GDF1: variants seen among roughly 807,000 people sequenced by gnomAD.
GDF1 encodes the protein embryonic growth/differentiation factor 1.
A neutral mutation model predicts 7.4 loss-of-function variants in GDF1; 8 were observed. The ratio of observed to expected loss-of-function variants is 1.09; its 90% CI spans 0.64 to 1.96. GDF1 has a LOEUF of 1.96. Ranked by LOEUF, GDF1 falls within the 30% of genes most tolerant of loss-of-function variation. GDF1 has a pLI of 0.00. For missense variants in GDF1, 574 were observed against 551.5 expected, an observed-to-expected ratio of 1.04 and a Z score of -0.41; for synonymous variants, 311 against 276.7, an observed-to-expected ratio of 1.12 and a Z score of -1.23.
intron 6 of GDF1, among the ~76,000 whole-genome samples, chr19:18,872,822 T>A (rs566020955): frequency 6.6e-6 from 1 of 152,056 alleles, no homozygotes; most frequent in South Asian, 2.1e-4. Flanking sequence ...CTAATTTTTA[T>A]ATTTTTAGTA....
At chr19:18,877,252 G>A (rs1465835726) in intron 6 of GDF1, among the ~76,000 whole-genome samples, 3 of 152,170 alleles carry the variant, frequency 2.0e-5, no homozygotes, top group Non-Finnish European at 2.9e-5. Flanking sequence ...ATCCTCAGCG[G>A]GGACAGAGCC....
At chr19:18,893,672 G>A (rs975093904) in intron 1 of GDF1, 97 bp from the exon 2 acceptor site, 17 of 1,258,238 alleles carry the variant, frequency 1.4e-5, no homozygotes, top group African/African-American at 7.4e-5. Context: ...TCCCCAGGCC[G>A]GGCAGCACTG....
At chr19:18,888,000 A>C (rs1022312994) in intron 2 of GDF1, among the ~76,000 whole-genome samples, 3 of 152,048 alleles carry the variant, frequency 2.0e-5, no homozygotes, top group Non-Finnish European at 4.4e-5. Flanking sequence ...AAGTGGAATC[A>C]CATAGTATTT....
At position 18,868,891 on chromosome 19, in the gene GDF1, G is replaced by A; in HGVS notation, c.825C>T (p.Ser275=). The A allele has an allele frequency of 7.0e-7, 1 of 1,421,650 alleles. No homozygotes were observed. The allele number at this position is 1,421,650 out of a possible 1,614,324, so 88.1% of individuals were successfully genotyped here. The change falls in exon 8 of 8, where the codon AGC becomes AGT. Residue 275 remains serine, a synonymous_variant. Coordinates refer to ENST00000247005, the MANE Select transcript of GDF1 (RefSeq NM_001492.6). ...GACRARRLYV[S]FREVGWHRWV... ...AGCGGTGCCAGCCCACCTCGCGGAA[G>A]CTCACGTACAGCCGCCGCGCGCGAC...
At position 18,893,534 on chromosome 19, in the gene GDF1, G is replaced by C; in HGVS notation, c.-1032C>G. ...ACTTCCAAGCGCTCTCGGGCATCTTGGCGGCATCTCTGGGCTGGAGGCAGC... is the reference window on the plus strand; with the variant it reads ...ACTTCCAAGCGCTCTCGGGCATCTTCGCGGCATCTCTGGGCTGGAGGCAGC... On this transcript the variant is annotated 5_prime_UTR_variant, in exon 2 of 8. Coordinates refer to ENST00000247005, the MANE Select transcript of GDF1 (RefSeq NM_001492.6). 1.9e-6 allele frequency: 3 copies of C among 1,610,930 alleles called. No homozygotes were observed. Among genetic ancestry groups the C allele is most frequent in the Non-Finnish European group, 2.5e-6 (3 of 1,178,912 alleles).
chr19:18,889,983 G>A (rs1378745865), intron 2 of GDF1, among the ~76,000 whole-genome samples: 1 of 152,116 alleles, frequency 6.6e-6, no homozygotes, highest in Non-Finnish European at 1.5e-5. Context: ...CAATCCTGGT[G>A]GGAGTCCCTT....
rs574656589 is a variant in GDF1, at chr19:18,885,334, G to A, written c.-913-1067C>T. ...TCCCACCTCAGCCTCCTGAGTAGCT[G>A]GGACCACAGGCACCCATAACCATGC... On this transcript the variant is annotated intron_variant, in intron 2 of 7. Coordinates refer to ENST00000247005, the MANE Select transcript of GDF1 (RefSeq NM_001492.6). Among the ~76,000 whole-genome samples the A allele has an allele frequency of 3.3e-5, 5 of 152,030 alleles. No homozygotes were observed. In the South Asian group the frequency reaches 8.3e-4, roughly 25 times the overall value.
At chr19:18,883,614 G>T (rs1465062715) in intron 3 of GDF1, among the ~76,000 whole-genome samples, 1 of 152,218 alleles carries the variant, frequency 6.6e-6, no homozygotes, top group African/African-American at 2.4e-5. Context: ...AGCCGGGTGG[G>T]TTTTATGCAC....
intron 6 of GDF1, among the ~76,000 whole-genome samples, chr19:18,874,471 G>C (rs2056027252): frequency 6.6e-6 from 1 of 152,162 alleles, no homozygotes; most frequent in African/African-American, 2.4e-5. Flanking sequence ...GCCCAGCCCA[G>C]TTCTTTAGAA....
rs77490035 is a variant in GDF1, at chr19:18,883,223, C to G, written c.-733+864G>C. 3.5e-3 allele frequency: 540 copies of G among 152,192 alleles called. 3 individuals carry two copies. The highest frequency in any genetic ancestry group is 0.012 in the African/African-American group (518 of 41,530). 9.4% of individuals were successfully genotyped at this position (152,192 alleles called of 1,614,324 possible). Reference sequence around the variant, plus strand: ...TATTATCGCAGCTAGAGCAGCTAGTCCCGTAGGAATAGTATATGAGCAGTG... The same window carrying G: ...TATTATCGCAGCTAGAGCAGCTAGTGCCGTAGGAATAGTATATGAGCAGTG... On this transcript the variant is annotated intron_variant, in intron 3 of 7. Coordinates refer to ENST00000247005, the MANE Select transcript of GDF1 (RefSeq NM_001492.6).
At position 18,879,405 on chromosome 19, in the gene GDF1, C is replaced by T. The variant is rs778492639; in HGVS notation, c.-570-17G>A. On this transcript the variant is annotated splice_polypyrimidine_tract_variant and intron_variant, in intron 4 of 7. Transcript: ENST00000247005. ...AACCAGAACCTGCGGTGGGAGGAGTCAGGAGGCCGTGGGTGGAGGGGGACG... is the reference window on the plus strand; with the variant it reads ...AACCAGAACCTGCGGTGGGAGGAGTTAGGAGGCCGTGGGTGGAGGGGGACG... 11 of 1,553,864 alleles carry T rather than the reference C, an allele frequency of 7.1e-6. No individual in the cohort carries two copies. The Admixed American group carries it at 7.8e-5, about 11-fold the overall frequency.
At chr19:18,890,078 GCCCA>G (rs1002649993) in intron 2 of GDF1, among the ~76,000 whole-genome samples, 4 of 152,120 alleles carry the variant, frequency 2.6e-5, no homozygotes, top group African/African-American at 9.7e-5. Context: ...TCTGCTCCCA[GCCCA>G]CAGATAAGTA....
At chr19:18,871,530 C>CT (rs988594472) in intron 6 of GDF1, among the ~76,000 whole-genome samples, 14 of 152,112 alleles carry the variant, frequency 9.2e-5, no homozygotes, top group Admixed American at 3.3e-4. Context: ...CCCCAGCTAA[C>CT]TTTTTTTATT....
rs746326819 is a variant in GDF1, at chr19:18,884,263, C to A, written c.-909G>T. 1 of 1,611,240 alleles carries A rather than the reference C, an allele frequency of 6.2e-7. No individual in the cohort carries two copies. The highest frequency in any genetic ancestry group is 1.1e-5 in the South Asian group (1 of 90,732). On this transcript the variant is annotated 5_prime_UTR_variant, in exon 3 of 8. Transcript: ENST00000247005. The stretch of plus-strand genomic sequence containing the variant: ...CCCGTGGCACTGCCATGCCCGGCGT[C>A]CAGTCTGGGGAGAGCCAAATCTCAC...
intron 3 of GDF1, among the ~76,000 whole-genome samples, chr19:18,882,256 G>A (rs2056229478): frequency 6.6e-6 from 1 of 152,188 alleles, no homozygotes; most frequent in Non-Finnish European, 1.5e-5. Context: ...GTCCAACATG[G>A]GAGCCACCAG....
chr19:18,878,459 C>T lies in GDF1; in HGVS notation c.-313+471G>A. ...TTGGCCGGGCAGTGGGCTCCCCTGT[C>T]AAACTCAGAGGCCAGGATGTCTCGG... On this transcript the variant is annotated intron_variant, in intron 6 of 7. Coordinates refer to ENST00000247005, the MANE Select transcript of GDF1 (RefSeq NM_001492.6). The surrounding 1 kb of genome is among the most constrained non-coding windows in gnomAD (Gnocchi z 4.6). 1 of 992,942 alleles carries T rather than the reference C, an allele frequency of 1.0e-6. No homozygotes were observed. Among genetic ancestry groups the T allele is most frequent in the Non-Finnish European group, 1.2e-6 (1 of 834,082 alleles). 61.5% of individuals were successfully genotyped at this position (992,942 alleles called of 1,614,324 possible). A position where few individuals can be genotyped will look rare whatever the true frequency, so the allele number is the denominator to read the frequency against.
intron 3 of GDF1, among the ~76,000 whole-genome samples, chr19:18,883,545 G>A: frequency 6.6e-6 from 1 of 152,068 alleles, no homozygotes; most frequent in East Asian, 1.9e-4. Flanking sequence ...AAAAAAAAGA[G>A]AGAGAGAAAT....
At chr19:18,894,425 G>C (rs1445010859) in intron 1 of GDF1, among the ~76,000 whole-genome samples, 1 of 152,162 alleles carries the variant, frequency 6.6e-6, no homozygotes, top group African/African-American at 2.4e-5. Context: ...CTGCCAAGAA[G>C]ATCAGCTTTG....
chr19:18,883,934 C>T (rs549537641), intron 3 of GDF1, among the ~76,000 whole-genome samples, 153 bp downstream of exon 3: 1 of 152,296 alleles, frequency 6.6e-6, no homozygotes, highest in East Asian at 1.9e-4. Context: ...TCTGTCCCCT[C>T]GTCGGACCCC....
Sources: allele counts gnomAD v4.1 joint callset (sites outside exome capture counted in the v4.1 genomes callset), GRCh38; gene constraint gnomAD v4.1.1; non-coding constraint Gnocchi (gnomAD v3.1); transcripts MANE v1.5; gene names NCBI Gene and HGNC (gene_info 2026-07-23, HGNC 2026-07-21).